The following METTL16 variants were observed in gnomAD, a reference collection of about 807,000 sequenced individuals.
METTL16 encodes the protein RNA N(6)-adenosine-methyltransferase METTL16.
In METTL16, 19 loss-of-function variants were observed where a neutral mutation model predicts 57.9. The observed-to-expected ratio is 0.33, with a 90% confidence interval of 0.23 to 0.48. METTL16 has a LOEUF of 0.48. Among genes scored for constraint, METTL16 ranks in the 20% least tolerant of loss-of-function variants. METTL16 has a pLI of 0.99. For missense variants in METTL16, 434 were observed against 691.5 expected (o/e 0.63, Z 4.18); for synonymous variants, 246 against 255.6 (o/e 0.96, Z 0.36).
At chr17:2,487,594 T>C (rs955429120) in intron 2 of METTL16, among the ~76,000 whole-genome samples, 7 of 152,192 alleles carry the variant, frequency 4.6e-5, no homozygotes, top group Admixed American at 4.6e-4. Context: ...AGTGACCTGC[T>C]GCTCAGAAGG....
At chr17:2,436,386 A>G (rs1274374218) in intron 8 of METTL16, among the ~76,000 whole-genome samples, 1 of 152,206 alleles carries the variant, frequency 6.6e-6, no homozygotes, top group Non-Finnish European at 1.5e-5. Flanking sequence ...TGAACCCAGC[A>G]GCACTTCTAG....
intron 2 of METTL16, 42 bp downstream of exon 2, chr17:2,502,162 G>A: frequency 6.3e-7 from 1 of 1,595,898 alleles, no homozygotes; most frequent in Non-Finnish European, 8.6e-7. Context: ...ATATCCATTT[G>A]AATCACACAA....
intron 6 of METTL16, among the ~76,000 whole-genome samples, chr17:2,452,282 C>T (rs1322592150): frequency 6.6e-6 from 1 of 151,928 alleles, no homozygotes; most frequent in Non-Finnish European, 1.5e-5. Flanking sequence ...TTTCTTTTAA[C>T]CTTTGCACTA....
At chr17:2,437,679 G>A (rs953586873) in intron 8 of METTL16, among the ~76,000 whole-genome samples, 2 of 152,130 alleles carry the variant, frequency 1.3e-5, no homozygotes, top group African/African-American at 2.4e-5. Context: ...AGCCTCCCGA[G>A]TAGCTGGGAC....
chr17:2,504,950 AT>A (rs2067519260), intron 1 of METTL16, among the ~76,000 whole-genome samples: 1 of 152,208 alleles, frequency 6.6e-6, no homozygotes, highest in Admixed American at 6.6e-5. Context: ...CTTTGAAAAA[AT>A]ATCTTTGATT....
rs371517544 is a variant in METTL16 at position 2,501,436 on chromosome 17, AAAAT to A, written c.128+764_128+767del. Among the ~76,000 whole-genome samples the A allele has an allele frequency of 9.2e-5, 14 of 152,342 alleles. No individual in the cohort carries two copies. In the East Asian group the frequency reaches 2.7e-3, roughly 29 times the overall value. On this transcript the variant is annotated intron_variant, in intron 2 of 9. Coordinates refer to ENST00000263092, the MANE Select transcript of METTL16 (RefSeq NM_024086.4). ...AGAGCAAGATCCTATCTCTAAAAAC[AAAAT>A]AAATAAATAAAAATAAATCAACTTC...
In METTL16 at chr17:2,419,739, T is replaced by A. The variant is rs1432502564; in HGVS notation, c.*231A>T. The A allele has an allele frequency of 2.9e-6, 2 of 688,922 alleles. No homozygotes were observed. Among genetic ancestry groups the A allele is most frequent in the African/African-American group, 3.5e-5 (2 of 57,022 alleles). The allele number at this position is 688,922 out of a possible 1,614,324, so 42.7% of individuals were successfully genotyped here. On this transcript the variant is annotated 3_prime_UTR_variant, in exon 10 of 10. Coordinates refer to ENST00000263092, the MANE Select transcript of METTL16 (RefSeq NM_024086.4). ...CGGGAGTTTACTGAGGGCTTTCTGT[T>A]GTTACTGATGACCACAATTCCTCCT...
chr17:2,462,180 T>C (rs921776141), intron 6 of METTL16, among the ~76,000 whole-genome samples: 6 of 152,120 alleles, frequency 3.9e-5, no homozygotes, highest in Admixed American at 3.9e-4. Context: ...TGCTGCATCA[T>C]GGAAGAACCT....
At chr17:2,480,297 T>C (rs1262704630) in intron 2 of METTL16, among the ~76,000 whole-genome samples, 1 of 152,150 alleles carries the variant, frequency 6.6e-6, no homozygotes, top group African/African-American at 2.4e-5. Flanking sequence ...AGATTTGTTA[T>C]CTATACAAAA....
At chr17:2,443,349 C>T (rs62067057) in intron 6 of METTL16, among the ~76,000 whole-genome samples, 2 of 152,132 alleles carry the variant, frequency 1.3e-5, no homozygotes, top group Non-Finnish European at 2.9e-5. Context: ...ACCCAAGTCA[C>T]TTCACTAGTG....
intron 1 of METTL16, among the ~76,000 whole-genome samples, chr17:2,505,438 A>C (rs2067525010): frequency 1.3e-5 from 1 of 79,052 alleles, no homozygotes. Context: ...TTTTAGATAC[A>C]TGGTTTCGTT....
rs762195663 is a variant in METTL16, at chr17:2,420,722, A to C, written c.1062+9T>G. The C allele has an allele frequency of 6.2e-7, 1 of 1,610,588 alleles. No homozygotes were observed. The highest frequency in any genetic ancestry group is 1.1e-5 in the South Asian group (1 of 90,140). On this transcript the variant is annotated intron_variant, in intron 9 of 9. Coordinates refer to ENST00000263092, the MANE Select transcript of METTL16 (RefSeq NM_024086.4). This position sits in a 1 kb window ranked among gnomAD's most constrained non-coding sequence, Gnocchi z 5.4. ...TATGAGTACTTCGTCAATATGGTTA[A>C]GCAGGTACCTTCAAATCAGTGAGAA...
chr17:2,419,933 G>A lies in METTL16; in HGVS notation c.*37C>T. On this transcript the variant is annotated 3_prime_UTR_variant, in exon 10 of 10. Transcript: ENST00000263092. ...CACCCCACAGGCCACTCCAAAGCAA[G>A]TTACTATCAACACGTTTCCAACTGT... 1 of 1,605,900 alleles carries A rather than the reference G, an allele frequency of 6.2e-7. No homozygotes were observed. Among genetic ancestry groups the A allele is most frequent in the Middle Eastern group, 1.7e-4 (1 of 6,004 alleles).
intron 7 of METTL16, among the ~76,000 whole-genome samples, chr17:2,438,498 GT>G (rs1009061098): frequency 2.6e-5 from 4 of 151,986 alleles, no homozygotes; most frequent in African/African-American, 9.7e-5. Flanking sequence ...ACTCAAGTGA[GT>G]TTTTTTGTTT....
At chr17:2,422,479 A>C (rs1414454057) in intron 8 of METTL16, among the ~76,000 whole-genome samples, 1 of 151,958 alleles carries the variant, frequency 6.6e-6, no homozygotes, top group Non-Finnish European at 1.5e-5. Context: ...CTCCGGTTTC[A>C]AGCGATTCTC....
intron 2 of METTL16, among the ~76,000 whole-genome samples, chr17:2,489,762 T>C (rs575917621): frequency 2.7e-5 from 3 of 110,988 alleles, no homozygotes; most frequent in South Asian, 3.1e-4. Flanking sequence ...AATACTGCGA[T>C]TTCCTAGCAA....
chr17:2,433,063 T>C (rs184069414), intron 8 of METTL16, among the ~76,000 whole-genome samples: 92 of 152,220 alleles, frequency 6.0e-4, no homozygotes, highest in African/African-American at 2.1e-3. Context: ...CACAAGGAAG[T>C]TTATGCAGAG....
chr17:2,497,788 G>A (rs1392733358), intron 2 of METTL16, among the ~76,000 whole-genome samples: 3 of 151,288 alleles, frequency 2.0e-5, no homozygotes, highest in Non-Finnish European at 2.9e-5. Context: ...GTGCAGTGGC[G>A]CGATCATGGT....
intron 6 of METTL16, among the ~76,000 whole-genome samples, chr17:2,452,935 A>C (rs1206859084): frequency 6.6e-6 from 1 of 151,990 alleles, no homozygotes. Flanking sequence ...ATCTCAGCTC[A>C]CTGCACCTCC....
Sources: gnomAD v4.1 joint callset for allele counts (sites outside exome capture counted in the v4.1 genomes callset) on GRCh38, gnomAD v4.1.1 for gene constraint, Gnocchi (gnomAD v3.1) non-coding constraint, MANE v1.5 for transcripts, NCBI Gene and HGNC (gene_info 2026-07-23, HGNC 2026-07-21) for gene names.